ROBO1: variants seen among roughly 807,000 people sequenced by gnomAD.
The protein encoded by ROBO1 is roundabout homolog 1.
ROBO1 carries 149 observed loss-of-function variants against 195.9 expected under a neutral mutation model. The observed-to-expected ratio is 0.76, with a 90% CI of 0.67 to 0.87. The LOEUF (loss-of-function observed/expected upper bound fraction) is 0.87. Among genes scored for constraint, ROBO1 ranks in the 40% least tolerant of loss-of-function variants. The probability of loss-of-function intolerance (pLI) is 0.00; values close to 1 mark genes in which losing one functional copy is unlikely to be tolerated. For missense variants in ROBO1, 1,933 were observed against 2,068.3 expected (o/e 0.93, Z 1.27); for synonymous variants, 816 against 733.2 (o/e 1.11, Z -1.82).
chr3:79,535,974 T>C (rs1456230919), intron 2 of ROBO1, among the ~76,000 whole-genome samples: 2 of 152,170 alleles, frequency 1.3e-5, no homozygotes, highest in Non-Finnish European at 1.5e-5. Flanking sequence ...TAAATAAATA[T>C]CTGCCTTTCC....
chr3:78,693,720 G>C (rs954995540), intron 8 of ROBO1, among the ~76,000 whole-genome samples: 1 of 152,094 alleles, frequency 6.6e-6, no homozygotes, highest in Admixed American at 6.6e-5. Flanking sequence ...ATAAATCTTA[G>C]CTGCTAAAAC....
chr3:78,911,064 A>C (rs379346), intron 4 of ROBO1, among the ~76,000 whole-genome samples: 64,676 of 151,738 alleles, frequency 0.43, 15,601 homozygotes, highest in African/African-American at 0.67. Context: ...GGTAATTATA[A>C]CCTGAGGAGA....
At chr3:79,747,732 A>G (rs937766341) in intron 1 of ROBO1, among the ~76,000 whole-genome samples, 1 of 152,066 alleles carries the variant, frequency 6.6e-6, no homozygotes, top group African/African-American at 2.4e-5. Flanking sequence ...GTTAGATGTG[A>G]CTAATATTTA....
chr3:78,855,748 G>A (rs1022284816), intron 4 of ROBO1, among the ~76,000 whole-genome samples: 19 of 152,040 alleles, frequency 1.2e-4, no homozygotes, highest in African/African-American at 3.4e-4. Context: ...AGGAAGAAAC[G>A]TCTGTTTTAA....
intron 4 of ROBO1, among the ~76,000 whole-genome samples, chr3:78,909,254 A>T (rs1259323288): frequency 6.6e-6 from 1 of 151,902 alleles, no homozygotes; most frequent in Non-Finnish European, 1.5e-5. Flanking sequence ...ACAGAAAAAA[A>T]AATTCACATT....
chr3:78,955,680 G>A (rs552337573), intron 3 of ROBO1, among the ~76,000 whole-genome samples: 2 of 152,204 alleles, frequency 1.3e-5, no homozygotes, highest in South Asian at 4.1e-4. Flanking sequence ...TCATACTTGT[G>A]TTATACTTCA....
chr3:79,503,677 C>G (rs967558974), intron 2 of ROBO1, among the ~76,000 whole-genome samples: 2 of 152,148 alleles, frequency 1.3e-5, no homozygotes, highest in Non-Finnish European at 2.9e-5. Flanking sequence ...AGCAGCAACT[C>G]CCAAAGTCTG....
intron 3 of ROBO1, among the ~76,000 whole-genome samples, chr3:79,076,294 TA>T (rs1208180748): frequency 1.4e-5 from 2 of 147,858 alleles, no homozygotes; most frequent in East Asian, 2.0e-4. Flanking sequence ...TATACATATA[TA>T]AAATGCACTA....
chr3:78,712,017 C>CAAAAAAAAAAAAA (rs56267632), intron 8 of ROBO1, among the ~76,000 whole-genome samples: 6 of 76,462 alleles, frequency 7.8e-5, no homozygotes, highest in Admixed American at 3.3e-4. Flanking sequence ...AAGACCTTGG[C>CAAAAAAAAAAAAA]AAAAAAAAAA....
In ROBO1 at chr3:78,718,782, AGAAGGAAG is replaced by A. The variant is rs10558820; in HGVS notation, c.658-907_658-900del. ...TCATAGTTACCAACCAGATAAAGGAAGAAGGAAGGAAGGAAGGAAGGAAGGGAGGGAGG... is the reference window on the plus strand; with the variant it reads ...TCATAGTTACCAACCAGATAAAGGAAGAAGGAAGGAAGGAAGGGAGGGAGG... On this transcript the variant is annotated intron_variant, in intron 5 of 30. Coordinates refer to ENST00000464233, the MANE Select transcript of ROBO1 (RefSeq NM_002941.4). Among the ~76,000 whole-genome samples the A allele has an allele frequency of 1.6e-4, 18 of 115,222 alleles. 1 individual carries two copies. Among genetic ancestry groups the A allele is most frequent in the East Asian group, 5.2e-4 (2 of 3,834 alleles). 75.6% of individuals were successfully genotyped at this position (115,222 alleles called of 152,430 possible). A position where few individuals can be genotyped will look rare whatever the true frequency, so the allele number is the denominator to read the frequency against.
At chr3:79,014,436 A>G (rs2108231754) in intron 3 of ROBO1, among the ~76,000 whole-genome samples, 1 of 152,252 alleles carries the variant, frequency 6.6e-6, no homozygotes, top group African/African-American at 2.4e-5. Flanking sequence ...TCACACCACC[A>G]CACTCCAGCC....
chr3:79,185,414 T>G (rs957002422), intron 2 of ROBO1, among the ~76,000 whole-genome samples: 3 of 152,188 alleles, frequency 2.0e-5, no homozygotes, highest in African/African-American at 4.8e-5. Flanking sequence ...CTTACAAGTG[T>G]TTCCCTATAG....
intron 4 of ROBO1, among the ~76,000 whole-genome samples, chr3:78,891,487 T>A (rs2036891498): frequency 6.6e-6 from 1 of 152,188 alleles, no homozygotes; most frequent in Admixed American, 6.5e-5. Flanking sequence ...AACAACCCTC[T>A]TCCACTGCTG....
At chr3:79,070,818 T>A (rs1333095952) in intron 3 of ROBO1, among the ~76,000 whole-genome samples, 1 of 151,816 alleles carries the variant, frequency 6.6e-6, no homozygotes, top group Admixed American at 6.6e-5. Flanking sequence ...ACTCATGTGT[T>A]TTTTACTGTC....
In ROBO1 at chr3:78,871,497, G is replaced by GTT. The variant is rs2035541063; in HGVS notation, c.499+67102_499+67103dup. On this transcript the variant is annotated intron_variant, in intron 4 of 30. Coordinates refer to ENST00000464233, the MANE Select transcript of ROBO1 (RefSeq NM_002941.4). ...TCAGTTGATTTTGCTACAAGATGATGTTGTGTGTGTGTGTTTTCATTCACA... is the reference window on the plus strand; with the variant it reads ...TCAGTTGATTTTGCTACAAGATGATGTTTTGTGTGTGTGTGTTTTCATTCACA... 2.0e-5 allele frequency among the ~76,000 whole-genome samples: 3 copies of GTT among 152,186 alleles called. No homozygotes were observed. In the South Asian group the frequency reaches 6.2e-4, roughly 32 times the overall value.
At chr3:78,720,146 T>C (rs1042756206) in intron 5 of ROBO1, among the ~76,000 whole-genome samples, 9 of 152,178 alleles carry the variant, frequency 5.9e-5, no homozygotes, top group Non-Finnish European at 1.3e-4. Flanking sequence ...GTCAGTCCCC[T>C]GACCTTAGTA....
At chr3:79,070,168 C>A (rs868735820) in intron 3 of ROBO1, among the ~76,000 whole-genome samples, 1 of 151,846 alleles carries the variant, frequency 6.6e-6, no homozygotes, top group African/African-American at 2.4e-5. Flanking sequence ...TGTCTTAACT[C>A]GATCATCACT....
At chr3:78,884,623 GAGAA>G (rs1553755958) in intron 4 of ROBO1, among the ~76,000 whole-genome samples, 4 of 96,602 alleles carry the variant, frequency 4.1e-5, no homozygotes, top group Non-Finnish European at 6.2e-5. Context: ...GAAAGAAAGA[GAGAA>G]AGAAAGAGAA....
intron 3 of ROBO1, among the ~76,000 whole-genome samples, chr3:79,011,280 C>T (rs1263119843): frequency 1.3e-5 from 2 of 152,100 alleles, no homozygotes; most frequent in South Asian, 2.1e-4. Flanking sequence ...AACTAAAAAG[C>T]GGACATGTTC....
Sources: gnomAD v4.1 joint callset for allele counts (sites outside exome capture counted in the v4.1 genomes callset) on GRCh38, gnomAD v4.1.1 for gene constraint, MANE v1.5 for transcripts, NCBI Gene and HGNC (gene_info 2026-07-23, HGNC 2026-07-21) for gene names.